The following SERPINA6 variants were observed in gnomAD, a reference collection of about 807,000 sequenced individuals.
SERPINA6 encodes corticosteroid-binding globulin.
Under a neutral mutation model 26.4 loss-of-function variants are expected in SERPINA6, and 19 were observed. The observed-to-expected ratio is 0.72, with a 90% CI of 0.50 to 1.06. The LOEUF (loss-of-function observed/expected upper bound fraction) is 1.06, where lower values mean the gene tolerates loss of function less well. SERPINA6 is among the 50% of genes least tolerant of loss of function. The pLI is 0.00. For missense variants in SERPINA6, 473 were observed against 504.0 expected (o/e 0.94, Z 0.59); for synonymous variants, 196 against 199.4 (o/e 0.98, Z 0.14).
chr14:94,311,908 A>G (rs577581652), intron 2 of SERPINA6, among the ~76,000 whole-genome samples: 3 of 152,308 alleles, frequency 2.0e-5, no homozygotes, highest in African/African-American at 4.8e-5. Context: ...AGATTCTGCC[A>G]CTGCACTCCA....
chr14:94,309,911 A>T lies in SERPINA6; in HGVS notation c.709T>A (p.Ser237Thr). The T allele has an allele frequency of 1.2e-6, 2 of 1,614,150 alleles. No homozygotes were observed. The highest frequency in any genetic ancestry group is 1.7e-6 in the Non-Finnish European group (2 of 1,179,994). Residue 237 changes from serine (S) to threonine (T), a missense_variant, in exon 3 of 5, where the codon TCG (serine) becomes ACG (threonine). By Grantham distance (58) the Ser-to-Thr change is moderately conservative. Transcript: ENST00000341584. ...TVVKVPMMLQ[S>T]STISYLHDSE... is the part of the protein sequence containing the mutation. ...TCATGAAGGTAACTGATGGTGCTCG[A>T]CTGCAACATCATGGGCACCTTCACC... is the stretch of plus-strand genomic sequence containing the variant.
At chr14:94,312,121 T>C (rs1360448183) in intron 2 of SERPINA6, among the ~76,000 whole-genome samples, 1 of 152,222 alleles carries the variant, frequency 6.6e-6, no homozygotes, top group African/African-American at 2.4e-5. Context: ...GGATTCGTTT[T>C]GTTGTATTAT....
chr14:94,313,344 C>G (rs544953131), intron 2 of SERPINA6, among the ~76,000 whole-genome samples: 1 of 152,178 alleles, frequency 6.6e-6, no homozygotes, highest in Admixed American at 6.5e-5. Context: ...AATTGCTAAT[C>G]GGCTGGCCTT....
chr14:94,317,142 A>G (rs1398482079), intron 1 of SERPINA6, among the ~76,000 whole-genome samples: 5 of 152,198 alleles, frequency 3.3e-5, no homozygotes, highest in Non-Finnish European at 7.4e-5. Flanking sequence ...AATGGATTAA[A>G]TTAATTTTGA....
chr14:94,307,729 C>G (rs1235012840), intron 3 of SERPINA6, among the ~76,000 whole-genome samples: 1 of 152,168 alleles, frequency 6.6e-6, no homozygotes, highest in South Asian at 2.1e-4. Flanking sequence ...CACACTCAAG[C>G]GTAGTTATGG....
chr14:94,321,109 A>G (rs1303849899), intron 1 of SERPINA6, among the ~76,000 whole-genome samples: 1 of 152,050 alleles, frequency 6.6e-6, no homozygotes, highest in African/African-American at 2.4e-5. Flanking sequence ...AGCTGATAAT[A>G]ACACCTCTAG....
chr14:94,320,458 G>T (rs997912572), intron 1 of SERPINA6, among the ~76,000 whole-genome samples: 1 of 152,188 alleles, frequency 6.6e-6, no homozygotes, highest in African/African-American at 2.4e-5. Context: ...TAACCTATCA[G>T]CCTATGTGTG....
chr14:94,314,072 C>A lies in SERPINA6; in HGVS notation c.577G>T (p.Ala193Ser). Reference sequence around the variant, plus strand: ...ATATAGTTGACCAGGACGAGGATGGCTGGGCTATCCAGCCCTGAAAACAAG... The same window carrying A: ...ATATAGTTGACCAGGACGAGGATGGATGGGCTATCCAGCCCTGAAAACAAG... ...VDLFSGLDSP[A>S]ILVLVNYIFF... The change falls in exon 2 of 5, where the codon GCC becomes TCC. Residue 193 changes from alanine (A) to serine (S), a missense_variant. Coordinates refer to ENST00000341584, the MANE Select transcript of SERPINA6 (RefSeq NM_001756.4). The A allele has an allele frequency of 6.2e-7, 1 of 1,614,172 alleles. No homozygotes were observed.
At chr14:94,309,002 CCATTCATTCAGGCATT>C (rs1470725135) in intron 3 of SERPINA6, among the ~76,000 whole-genome samples, 3 of 152,244 alleles carry the variant, frequency 2.0e-5, no homozygotes, top group South Asian at 2.1e-4. Context: ...ACTCACCCAT[CCATTCATTCAGGCATT>C]CATTCATTCA....
chr14:94,319,868 A>G (rs146306873), intron 1 of SERPINA6, among the ~76,000 whole-genome samples: 3 of 152,306 alleles, frequency 2.0e-5, no homozygotes, highest in East Asian at 1.9e-4. Flanking sequence ...AGTTCCGGAC[A>G]TGGAAGGTGG....
At position 94,309,982 on chromosome 14, in the gene SERPINA6, A is replaced by G; in HGVS notation, c.638T>C (p.Leu213Pro). 1.2e-6 allele frequency: 2 copies of G among 1,614,134 alleles called. No individual in the cohort carries two copies. Among genetic ancestry groups the G allele is most frequent in the Non-Finnish European group, 1.7e-6 (2 of 1,180,014 alleles). Residue 213 changes from leucine (L) to proline (P), a missense_variant, in exon 3 of 5, where the codon CTG becomes CCG. By Grantham distance (98) the Leu-to-Pro change is moderately conservative. Coordinates refer to ENST00000341584, the MANE Select transcript of SERPINA6 (RefSeq NM_001756.4). ...GAAGTTCTCCTCCCTGGTGCTTGCC[A>G]GGTCAAAGGGCTGTGTCCATGTGCC... ...FKGTWTQPFDLASTREENFYV... is the reference protein window; with the variant it reads ...FKGTWTQPFDPASTREENFYV...
At chr14:94,320,720 G>A (rs983982854) in intron 1 of SERPINA6, among the ~76,000 whole-genome samples, 1 of 152,248 alleles carries the variant, frequency 6.6e-6, no homozygotes, top group Admixed American at 6.5e-5. Flanking sequence ...AAGAATGACA[G>A]GTGGGAACTC....
chr14:94,313,970 G>A lies in SERPINA6; in HGVS notation c.613+66C>T, dbSNP rs750026793. 4 of 1,576,756 alleles carry A rather than the reference G, an allele frequency of 2.5e-6. No individual in the cohort carries two copies. The African/African-American group carries it at 4.0e-5, about 16-fold the overall frequency. Reference sequence around the variant, plus strand: ...AAGACTTTGCCCAAGAGTGTGCCCTGGATTTTAGCGGCTGTTATTCCTGGC... The same window carrying A: ...AAGACTTTGCCCAAGAGTGTGCCCTAGATTTTAGCGGCTGTTATTCCTGGC... On this transcript the variant is annotated intron_variant, in intron 2 of 4. Transcript: ENST00000341584.
intron 1 of SERPINA6, among the ~76,000 whole-genome samples, chr14:94,318,214 G>A (rs1163011209): frequency 6.6e-6 from 1 of 152,184 alleles, no homozygotes; most frequent in Non-Finnish European, 1.5e-5. Context: ...TGCATTCATG[G>A]ATTGGAAGAA....
intron 1 of SERPINA6, among the ~76,000 whole-genome samples, chr14:94,317,090 T>G (rs561457515): frequency 6.6e-6 from 1 of 152,326 alleles, no homozygotes; most frequent in East Asian, 1.9e-4. Context: ...TATTTCTATA[T>G]ATCCTATAGA....
At position 94,314,675 on chromosome 14, in the gene SERPINA6, A is replaced by G; in HGVS notation, c.-19-8T>C. The G allele has an allele frequency of 1.2e-6, 2 of 1,609,108 alleles. No homozygotes were observed. The highest frequency in any genetic ancestry group is 1.7e-5 in the Admixed American group (1 of 60,022). ...GTCCAGTATAGCCAGGCCCTGCCAAATCAGAAAAGCTTGTTAGATGCTGTG... is the reference window on the plus strand; with the variant it reads ...GTCCAGTATAGCCAGGCCCTGCCAAGTCAGAAAAGCTTGTTAGATGCTGTG... On this transcript the variant is annotated splice_polypyrimidine_tract_variant and splice_region_variant and intron_variant, in intron 1 of 4. Transcript: ENST00000341584.
At chr14:94,323,036 C>T (rs1895705964) in intron 1 of SERPINA6, among the ~76,000 whole-genome samples, 1 of 152,238 alleles carries the variant, frequency 6.6e-6, no homozygotes, top group Admixed American at 6.5e-5. Context: ...TGTCAGCCCC[C>T]TGCATGGCAG....
At chr14:94,304,721 AG>A in intron 4 of SERPINA6, 118 bp from the exon 5 acceptor site, 1 of 840,670 alleles carries the variant, frequency 1.2e-6, no homozygotes, top group Non-Finnish European at 1.9e-6. Flanking sequence ...GGGTCAGAGA[AG>A]GTCACTTGCT....
At chr14:94,314,829 T>G in intron 1 of SERPINA6, 162 bp from the exon 2 acceptor site, 1 of 672,006 alleles carries the variant, frequency 1.5e-6, no homozygotes, top group South Asian at 1.7e-5. Flanking sequence ...GACTTCAGTT[T>G]CCTCATCTGG....
Sources: allele counts gnomAD v4.1 joint callset (sites outside exome capture counted in the v4.1 genomes callset), GRCh38; gene constraint gnomAD v4.1.1; transcripts MANE v1.5; gene names NCBI Gene and HGNC (gene_info 2026-07-23, HGNC 2026-07-21).